The following VPS8 variants were observed in gnomAD, a reference collection of about 807,000 sequenced individuals.
The protein encoded by VPS8 is vacuolar protein sorting-associated protein 8 homolog.
In VPS8, 129 loss-of-function variants were observed where a neutral mutation model predicts 216.4. The observed-to-expected ratio is 0.60, with a 90% CI of 0.52 to 0.69. The LOEUF is 0.69. Among genes scored for constraint, VPS8 ranks in the 30% least tolerant of loss-of-function variants. The probability of loss-of-function intolerance (pLI) is 0.00; values close to 1 mark genes in which losing one functional copy is unlikely to be tolerated. For missense variants in VPS8, 1,531 were observed against 1,683.5 expected (o/e 0.91, Z 1.59); for synonymous variants, 571 against 565.4 (o/e 1.01, Z -0.14).
intron 42 of VPS8, among the ~76,000 whole-genome samples, chr3:184,992,138 T>G (rs900834893): frequency 6.6e-6 from 1 of 152,162 alleles, no homozygotes; most frequent in African/African-American, 2.4e-5. Flanking sequence ...CTGCACAACC[T>G]ATTCTGCAAG....
intron 40 of VPS8, among the ~76,000 whole-genome samples, chr3:184,978,922 C>T (rs994923193): frequency 3.9e-5 from 6 of 152,032 alleles, no homozygotes; most frequent in African/African-American, 7.3e-5. Context: ...TCTAACTTTT[C>T]GATGTGGGCA....
intron 5 of VPS8, among the ~76,000 whole-genome samples, chr3:184,837,628 A>C (rs917557254): frequency 6.6e-6 from 1 of 152,164 alleles, no homozygotes; most frequent in East Asian, 1.9e-4. Context: ...TCCTGTTTCC[A>C]TGTACTGGAG....
chr3:184,902,684 G>A (rs983306418), intron 25 of VPS8, among the ~76,000 whole-genome samples: 2 of 151,496 alleles, frequency 1.3e-5, no homozygotes, highest in African/African-American at 4.9e-5. Context: ...ACAAAAATTA[G>A]CCGGGCGTGG....
chr3:184,914,298 G>C (rs530596118), intron 26 of VPS8, among the ~76,000 whole-genome samples: 7 of 152,236 alleles, frequency 4.6e-5, no homozygotes, highest in African/African-American at 1.7e-4. Context: ...GGATATGCTG[G>C]TGTCCAGTTG....
At chr3:185,046,854 T>C (rs768382706) in intron 46 of VPS8, among the ~76,000 whole-genome samples, 1 of 152,170 alleles carries the variant, frequency 6.6e-6, no homozygotes. Flanking sequence ...GTGTTCTTAC[T>C]GCATGGCGAG....
chr3:184,915,057 G>C lies in VPS8; in HGVS notation c.2262+4G>C, dbSNP rs775511093. Reference sequence around the variant, plus strand: ...GGTTCCCTTGGTTAAAAACCAGGTTGGTACTATTTTTATAGCCTTTTGACT... The same window carrying C: ...GGTTCCCTTGGTTAAAAACCAGGTTCGTACTATTTTTATAGCCTTTTGACT... On this transcript the variant is annotated splice_donor_region_variant and intron_variant, in intron 27 of 47. Coordinates refer to ENST00000625842, the MANE Select transcript of VPS8 (RefSeq NM_001009921.3). 1.2e-6 allele frequency: 2 copies of C among 1,613,578 alleles called. No homozygotes were observed. The highest frequency in any genetic ancestry group is 1.7e-6 in the Non-Finnish European group (2 of 1,179,654).
intron 28 of VPS8, among the ~76,000 whole-genome samples, chr3:184,915,902 G>A (rs1216220984): frequency 1.3e-5 from 2 of 152,128 alleles, no homozygotes; most frequent in Admixed American, 1.3e-4. Context: ...GTAAGTCAGG[G>A]TTTCAAATGT....
At chr3:184,907,817 A>G (rs1239392891) in intron 25 of VPS8, among the ~76,000 whole-genome samples, 3 of 152,070 alleles carry the variant, frequency 2.0e-5, no homozygotes, top group African/African-American at 7.2e-5. Flanking sequence ...TTATGTTGGA[A>G]TTTTCAGTTC....
chr3:185,004,273 C>T (rs1753898213), intron 45 of VPS8, among the ~76,000 whole-genome samples: 1 of 152,376 alleles, frequency 6.6e-6, no homozygotes, highest in Non-Finnish European at 1.5e-5. Context: ...TGGTTAGGAG[C>T]TGGAGACCAG....
intron 42 of VPS8, among the ~76,000 whole-genome samples, chr3:184,990,009 C>T (rs1577078341): frequency 1.3e-5 from 2 of 152,112 alleles, no homozygotes; most frequent in East Asian, 3.9e-4. Context: ...GGAGGCAGAG[C>T]TTGCAGCGAG....
intron 34 of VPS8, among the ~76,000 whole-genome samples, chr3:184,933,048 C>G (rs1740963124): frequency 6.6e-6 from 1 of 152,240 alleles, no homozygotes; most frequent in Non-Finnish European, 1.5e-5. Context: ...ACCTCCACCT[C>G]AGACCTCCTG....
chr3:184,913,474 G>A, intron 25 of VPS8, 45 bp from the exon 26 acceptor site: 1 of 1,497,474 alleles, frequency 6.7e-7, no homozygotes, highest in South Asian at 1.2e-5. Context: ...TTTCTGAAAA[G>A]GTTTTGAGAG....
intron 46 of VPS8, among the ~76,000 whole-genome samples, chr3:185,036,271 C>T (rs1020024564): frequency 2.6e-5 from 4 of 152,070 alleles, no homozygotes; most frequent in African/African-American, 7.2e-5. Context: ...TTCTAAAATT[C>T]ATGTAGAACA....
chr3:185,004,132 C>T (rs1014304424), intron 45 of VPS8, among the ~76,000 whole-genome samples: 7 of 152,026 alleles, frequency 4.6e-5, no homozygotes, highest in East Asian at 1.9e-4. Flanking sequence ...GGCAGGCGGC[C>T]GGGAGGTGGA....
intron 39 of VPS8, among the ~76,000 whole-genome samples, chr3:184,970,794 G>A (rs1018222067): frequency 6.6e-6 from 1 of 152,186 alleles, no homozygotes; most frequent in African/African-American, 2.4e-5. Context: ...AAGAGGATGA[G>A]GGAGGCAAGA....
chr3:184,914,966 ATTCTT>A lies in VPS8; in HGVS notation c.2190-9_2190-5del. On this transcript the variant is annotated splice_polypyrimidine_tract_variant and intron_variant, in intron 26 of 47. Coordinates refer to ENST00000625842, the MANE Select transcript of VPS8 (RefSeq NM_001009921.3). ...TTTACAAGTCACCATATCCATTCTC[ATTCTT>A]TTCTTCTAGCTGTTGTCTAGCAGGT... 7 of 1,612,790 alleles carry A rather than the reference ATTCTT, an allele frequency of 4.3e-6. No homozygotes were observed. In the African/African-American group the frequency reaches 5.3e-5, roughly 12 times the overall value.
At chr3:184,903,471 A>C (rs1734935222) in intron 25 of VPS8, among the ~76,000 whole-genome samples, 1 of 152,196 alleles carries the variant, frequency 6.6e-6, no homozygotes, top group African/African-American at 2.4e-5. Context: ...TTTATTTTAG[A>C]GACGGAGTCT....
rs1318326684 is a variant in VPS8 at position 184,894,719 on chromosome 3, C to T, written c.1798C>T (p.Gln600Ter). Residue 600 changes from glutamine (Q) to a stop codon, truncating the protein, a stop_gained, in exon 23 of 48, where the codon CAG (glutamine) becomes TAG (stop). Transcript: ENST00000625842. LOFTEE classifies it high-confidence loss of function. Reference protein sequence around the residue: ...LLQRKDLLFSQMYDKLSENSV... With the variant: ...LLQRKDLLFS ...CTGTTACAGGGATCTTTTATTTAGT[C>T]AGATGTATGATAAATTAAGTGAGAA... is the stretch of plus-strand genomic sequence containing the variant. 1 of 1,600,864 alleles carries T rather than the reference C, an allele frequency of 6.2e-7. No homozygotes were observed. The highest frequency in any genetic ancestry group is 1.1e-5 in the South Asian group (1 of 88,848).
chr3:184,823,567 A>G (rs1201476522), intron 1 of VPS8, among the ~76,000 whole-genome samples: 2 of 152,216 alleles, frequency 1.3e-5, no homozygotes, highest in Non-Finnish European at 2.9e-5. Context: ...TGTGAAAAAC[A>G]TCTAGTTTAG....
Sources: gnomAD v4.1 joint callset for allele counts (sites outside exome capture counted in the v4.1 genomes callset) on GRCh38, gnomAD v4.1.1 for gene constraint, MANE v1.5 for transcripts, NCBI Gene and HGNC (gene_info 2026-07-23, HGNC 2026-07-21) for gene names.